The following NAA30 variants were observed in gnomAD, a reference collection of about 807,000 sequenced individuals.
NAA30 encodes N-alpha-acetyltransferase 30.
NAA30 carries 5 observed loss-of-function variants against 31.4 expected under a neutral mutation model. The ratio of observed to expected loss-of-function variants is 0.16; its 90% CI spans 0.08 to 0.33. The LOEUF (loss-of-function observed/expected upper bound fraction) is 0.33, where lower values mean the gene tolerates loss of function less well. Among genes scored for constraint, NAA30 ranks in the 10% least tolerant of loss-of-function variants. The pLI is 1.00. For synonymous variants in NAA30, 222 were observed against 207.1 expected, an observed-to-expected ratio of 1.07 and a Z score of -0.62; for missense variants, 428 against 490.8, an observed-to-expected ratio of 0.87 and a Z score of 1.21.
At position 57,415,739 on chromosome 14, in the gene NAA30, A is replaced by G. The variant is rs1183988087; in HGVS notation, c.*6223A>G. 1.3e-5 allele frequency: 2 copies of G among 152,118 alleles called. No homozygotes were observed. The highest frequency in any genetic ancestry group is 2.4e-5 in the African/African-American group (1 of 41,420). The allele number at this position is 152,118 out of a possible 1,614,324, so 9.4% of individuals were successfully genotyped here. A position where few individuals can be genotyped will look rare whatever the true frequency, so the allele number is the denominator to read the frequency against. On this transcript the variant is annotated 3_prime_UTR_variant, in exon 5 of 5. Transcript: ENST00000556492. ...AGGCCAGGATTTCTCATGATTGTATATGGTTATTGATCATTTTTAAGGGGC... is the reference window on the plus strand; with the variant it reads ...AGGCCAGGATTTCTCATGATTGTATGTGGTTATTGATCATTTTTAAGGGGC...
At position 57,390,949 on chromosome 14, in the gene NAA30, G is replaced by C. The variant is rs779845148; in HGVS notation, c.-1-8G>C. ...ATGGCCTCCCCTCTCGGTCTGTGTC[G>C]CTTCTAGGATGGCGGAGGTACCGCC... On this transcript the variant is annotated splice_region_variant and splice_polypyrimidine_tract_variant and intron_variant, in intron 1 of 4. Coordinates refer to ENST00000556492, the MANE Select transcript of NAA30 (RefSeq NM_001011713.3). 2 of 1,469,338 alleles carry C rather than the reference G, an allele frequency of 1.4e-6. No homozygotes were observed. Among genetic ancestry groups the C allele is most frequent in the Non-Finnish European group, 1.8e-6 (2 of 1,115,628 alleles). The allele number at this position is 1,469,338 out of a possible 1,614,324, so 91.0% of individuals were successfully genotyped here.
Position 57,409,819 on chromosome 14 carries a change from T to C in NAA30, c.*303T>C, listed in dbSNP as rs2066515636. ...AATGTTATTTACACAGTGATCATTT[T>C]ATCACAGAACCAGTAAGTGGAACAT... is the stretch of plus-strand genomic sequence containing the variant. On this transcript the variant is annotated 3_prime_UTR_variant, in exon 5 of 5. Transcript: ENST00000556492. 1 of 235,722 alleles carries C rather than the reference T, an allele frequency of 4.2e-6. No homozygotes were observed. Among genetic ancestry groups the C allele is most frequent in the Non-Finnish European group, 8.1e-6 (1 of 123,016 alleles). The allele number at this position is 235,722 out of a possible 1,614,324, so 14.6% of individuals were successfully genotyped here. A position where few individuals can be genotyped will look rare whatever the true frequency, so the allele number is the denominator to read the frequency against.
At chr14:57,396,525 C>G (rs2066451128) in intron 2 of NAA30, among the ~76,000 whole-genome samples, 1 of 151,974 alleles carries the variant, frequency 6.6e-6, no homozygotes, top group South Asian at 2.1e-4. Flanking sequence ...TAATAGTAAG[C>G]ATAAAAAATT....
intron 4 of NAA30, among the ~76,000 whole-genome samples, chr14:57,407,618 A>T (rs556739382): frequency 6.6e-6 from 1 of 152,238 alleles, no homozygotes; most frequent in African/African-American, 2.4e-5. Context: ...AGTGTTGAGC[A>T]TGGAAAGCAA....
intron 4 of NAA30, among the ~76,000 whole-genome samples, chr14:57,405,035 C>T (rs1314623101): frequency 6.6e-6 from 1 of 152,126 alleles, no homozygotes; most frequent in Admixed American, 6.5e-5. Flanking sequence ...TAACTTGCGG[C>T]AGACTGTTTA....
At chr14:57,404,577 G>A (rs1392685581) in intron 4 of NAA30, among the ~76,000 whole-genome samples, 3 of 152,096 alleles carry the variant, frequency 2.0e-5, no homozygotes, top group South Asian at 2.1e-4. Context: ...TTTCTAGCAC[G>A]TTGTATTAGT....
At chr14:57,402,750 A>G (rs1305191204) in intron 4 of NAA30, among the ~76,000 whole-genome samples, 1 of 152,234 alleles carries the variant, frequency 6.6e-6, no homozygotes, top group Non-Finnish European at 1.5e-5. Context: ...GGGTTTAGAA[A>G]TTTTGACAAA....
rs936557547 is a variant in NAA30, at chr14:57,411,035, G to C, written c.*1519G>C. 2 of 149,578 alleles carry C rather than the reference G, an allele frequency of 1.3e-5. No individual in the cohort carries two copies. Among genetic ancestry groups the C allele is most frequent in the Non-Finnish European group, 3.0e-5 (2 of 67,510 alleles). 9.3% of individuals were successfully genotyped at this position (149,578 alleles called of 1,614,324 possible). A position where few individuals can be genotyped will look rare whatever the true frequency, so the allele number is the denominator to read the frequency against. ...CCTACCTCCATTAACAGTTGGTAAA[G>C]GCCCCTTTTCAGGAAAGTTTGTTGC... is the stretch of plus-strand genomic sequence containing the variant. On this transcript the variant is annotated 3_prime_UTR_variant, in exon 5 of 5. Transcript: ENST00000556492.
intron 4 of NAA30, among the ~76,000 whole-genome samples, chr14:57,409,098 A>G (rs2066511885): frequency 6.6e-6 from 1 of 152,186 alleles, no homozygotes. Flanking sequence ...CAGGGAAATA[A>G]TTAATCTTTG....
chr14:57,398,824 A>T (rs2066461829), intron 3 of NAA30, among the ~76,000 whole-genome samples: 1 of 151,894 alleles, frequency 6.6e-6, no homozygotes, highest in Admixed American at 6.6e-5. Flanking sequence ...TTTAGTAGAG[A>T]TGGGGTTTCG....
chr14:57,400,695 A>T (rs2066471645), intron 4 of NAA30, among the ~76,000 whole-genome samples: 1 of 152,190 alleles, frequency 6.6e-6, no homozygotes, highest in South Asian at 2.1e-4. Context: ...TGACCTTAAT[A>T]AATAATTTGT....
At chr14:57,407,013 C>T (rs752048245) in intron 4 of NAA30, among the ~76,000 whole-genome samples, 1 of 152,044 alleles carries the variant, frequency 6.6e-6, no homozygotes, top group African/African-American at 2.4e-5. Flanking sequence ...CCACCTCTGC[C>T]CCTCCAAGTA....
Position 57,393,582 on chromosome 14 carries a change from T to C in NAA30, c.771+1854T>C, listed in dbSNP as rs911470813. On this transcript the variant is annotated intron_variant, in intron 2 of 4. Coordinates refer to ENST00000556492, the MANE Select transcript of NAA30 (RefSeq NM_001011713.3). ...TGCGTAAATGTCTGTTTATTTTAAA[T>C]CATATCCTTTTAGAACTGAAAGCCA... 6.6e-5 allele frequency among the ~76,000 whole-genome samples: 10 copies of C among 152,316 alleles called. No homozygotes were observed. The South Asian group carries it at 1.2e-3, about 19-fold the overall frequency.
Position 57,390,720 on chromosome 14 carries a change from G to C in NAA30, c.-2+15G>C, listed in dbSNP as rs866457717. The C allele has an allele frequency of 2.2e-5, 9 of 414,220 alleles. No homozygotes were observed. The highest frequency in any genetic ancestry group is 1.4e-4 in the African/African-American group (7 of 48,424). 25.7% of individuals were successfully genotyped at this position (414,220 alleles called of 1,614,324 possible). A position where few individuals can be genotyped will look rare whatever the true frequency, so the allele number is the denominator to read the frequency against. On this transcript the variant is annotated intron_variant, in intron 1 of 4. Transcript: ENST00000556492. ...ACCCGTGCGGGGTGAGCCGTGAGGA[G>C]GGGCCGCGAGTGACAGGGCTGGCGG...
At chr14:57,399,486 C>G (rs74417105) in intron 3 of NAA30, among the ~76,000 whole-genome samples, 5,695 of 152,226 alleles carry the variant, frequency 0.037, 323 homozygotes, top group African/African-American at 0.12. Context: ...GGAGTTCCTG[C>G]GTTGTTCTGG....
intron 4 of NAA30, among the ~76,000 whole-genome samples, chr14:57,404,805 GACTT>G (rs1396036236): frequency 2.0e-5 from 3 of 152,120 alleles, no homozygotes; most frequent in Non-Finnish European, 4.4e-5. Flanking sequence ...GATCTCGTGA[GACTT>G]AATTCACTCA....
At chr14:57,396,614 G>C (rs189510459) in intron 2 of NAA30, 138 bp from the exon 3 acceptor site, 8 of 748,784 alleles carry the variant, frequency 1.1e-5, no homozygotes, top group Admixed American at 4.7e-5. Context: ...TGAAACTTCT[G>C]TGACTGCTGT....
intron 3 of NAA30, among the ~76,000 whole-genome samples, chr14:57,398,671 C>T (rs1165719884): frequency 2.0e-5 from 3 of 151,688 alleles, no homozygotes; most frequent in Middle Eastern, 3.4e-3. Flanking sequence ...CTCACTCTGT[C>T]GCCCAGGTTG....
chr14:57,397,917 C>G (rs1025415078), intron 3 of NAA30, among the ~76,000 whole-genome samples: 1 of 152,072 alleles, frequency 6.6e-6, no homozygotes, highest in African/African-American at 2.4e-5. Context: ...GACTCCGTTT[C>G]AAAAAACCAC....
Sources: gnomAD v4.1 joint callset for allele counts (sites outside exome capture counted in the v4.1 genomes callset) on GRCh38, gnomAD v4.1.1 for gene constraint, MANE v1.5 for transcripts, NCBI Gene and HGNC (gene_info 2026-07-23, HGNC 2026-07-21) for gene names.